Variants in SLCO6A1 observed in about 807,000 individuals in gnomAD.
SLCO6A1 encodes the protein solute carrier organic anion transporter family member 6A1.
In SLCO6A1, 65 loss-of-function variants were observed where a neutral mutation model predicts 72.7. The observed-to-expected ratio is 0.89, with a 90% CI of 0.73 to 1.10. The LOEUF is 1.10. SLCO6A1 is among the 50% of genes least tolerant of loss of function. The pLI is 0.00. For synonymous variants in SLCO6A1, 314 were observed against 298.2 expected (o/e 1.05, Z -0.55); for missense variants, 874 against 872.6 (o/e 1.00, Z -0.02).
chr5:102,428,256 G>A (rs917453425), intron 7 of SLCO6A1, among the ~76,000 whole-genome samples: 3 of 151,634 alleles, frequency 2.0e-5, no homozygotes, highest in Non-Finnish European at 2.9e-5. Context: ...AAATAAATAA[G>A]AAGCTCCACA....
At chr5:102,432,546 G>A (rs1749277658) in intron 7 of SLCO6A1, among the ~76,000 whole-genome samples, 1 of 152,124 alleles carries the variant, frequency 6.6e-6, no homozygotes, top group African/African-American at 2.4e-5. Flanking sequence ...CTTTTAGAAT[G>A]TTGAATATAG....
At chr5:102,413,800 A>G (rs1021593090) in intron 8 of SLCO6A1, among the ~76,000 whole-genome samples, 1 of 152,092 alleles carries the variant, frequency 6.6e-6, no homozygotes, top group African/African-American at 2.4e-5. Context: ...AAAATGTTAG[A>G]CATTTTAACG....
chr5:102,442,566 G>T (rs115015781), intron 6 of SLCO6A1, among the ~76,000 whole-genome samples: 1 of 152,144 alleles, frequency 6.6e-6, no homozygotes, highest in Non-Finnish European at 1.5e-5. Flanking sequence ...AAACTTTAGC[G>T]TGCCTTGAAT....
intron 1 of SLCO6A1, among the ~76,000 whole-genome samples, chr5:102,486,632 C>T (rs1752452588): frequency 6.6e-6 from 1 of 151,934 alleles, no homozygotes; most frequent in African/African-American, 2.4e-5. Context: ...TACATAAAAA[C>T]TTGAACATGA....
intron 4 of SLCO6A1, among the ~76,000 whole-genome samples, chr5:102,467,019 A>C (rs1751346632): frequency 1.3e-5 from 2 of 152,102 alleles, no homozygotes; most frequent in Non-Finnish European, 2.9e-5. Context: ...TCTTTAGTTT[A>C]ATCAGATCTC....
chr5:102,395,661 T>G (rs1322103218), intron 10 of SLCO6A1, among the ~76,000 whole-genome samples: 1 of 152,168 alleles, frequency 6.6e-6, no homozygotes, highest in Admixed American at 6.5e-5. Flanking sequence ...CCACCAACAG[T>G]GTAAAAGTGT....
intron 1 of SLCO6A1, among the ~76,000 whole-genome samples, chr5:102,496,815 C>T (rs1271382044): frequency 6.6e-6 from 1 of 152,132 alleles, no homozygotes; most frequent in Non-Finnish European, 1.5e-5. Context: ...ATTATCCAGC[C>T]AAACTTGTCA....
At chr5:102,398,209 C>T (rs914630818) in intron 10 of SLCO6A1, among the ~76,000 whole-genome samples, 1 of 151,902 alleles carries the variant, frequency 6.6e-6, no homozygotes, top group African/African-American at 2.4e-5. Flanking sequence ...TTCAGAGTCT[C>T]ACTCTGGCAC....
chr5:102,387,926 C>A (rs1336087744), intron 12 of SLCO6A1, among the ~76,000 whole-genome samples: 2 of 152,142 alleles, frequency 1.3e-5, no homozygotes, highest in Non-Finnish European at 2.9e-5. Flanking sequence ...ACTTTCCCAA[C>A]ACTTTGACCA....
intron 12 of SLCO6A1, among the ~76,000 whole-genome samples, chr5:102,375,926 CA>C (rs1410104260): frequency 2.0e-5 from 3 of 152,070 alleles, no homozygotes; most frequent in African/African-American, 7.2e-5. Flanking sequence ...CCCATGGATC[CA>C]AGGAGCTCAG....
intron 9 of SLCO6A1, among the ~76,000 whole-genome samples, chr5:102,411,232 T>C (rs1196156493): frequency 6.6e-6 from 1 of 151,788 alleles, no homozygotes; most frequent in Non-Finnish European, 1.5e-5. Context: ...TATATGTGTG[T>C]GTGTGTTTGT....
intron 8 of SLCO6A1, 27 bp from the exon 9 acceptor site, chr5:102,413,170 AT>A (rs770959297): frequency 6.6e-7 from 1 of 1,523,558 alleles, no homozygotes; most frequent in Non-Finnish European, 8.7e-7. Flanking sequence ...GAATGTAATC[AT>A]ATTACCATTG....
chr5:102,454,402 A>G (rs1021917186), intron 6 of SLCO6A1, among the ~76,000 whole-genome samples: 1 of 152,252 alleles, frequency 6.6e-6, no homozygotes, highest in African/African-American at 2.4e-5. Flanking sequence ...CCAGAGTTTC[A>G]AAATAGTTGT....
At chr5:102,400,403 A>G (rs1747332971) in intron 9 of SLCO6A1, among the ~76,000 whole-genome samples, 1 of 151,850 alleles carries the variant, frequency 6.6e-6, no homozygotes, top group Non-Finnish European at 1.5e-5. Context: ...CTTTATCATT[A>G]TTAATTTTTT....
At chr5:102,392,694 CA>C (rs1746832744) in intron 10 of SLCO6A1, among the ~76,000 whole-genome samples, 2 of 151,088 alleles carry the variant, frequency 1.3e-5, no homozygotes, top group Non-Finnish European at 3.0e-5. Flanking sequence ...TGTGCTTTAA[CA>C]AAAAAGCATT....
chr5:102,474,595 C>CT (rs994027488), intron 4 of SLCO6A1, among the ~76,000 whole-genome samples: 2 of 152,032 alleles, frequency 1.3e-5, no homozygotes, highest in African/African-American at 2.4e-5. Flanking sequence ...AACTTAAAAA[C>CT]TTTTTTGCAG....
chr5:102,413,832 T>G (rs1161147417), intron 8 of SLCO6A1, among the ~76,000 whole-genome samples: 3 of 152,196 alleles, frequency 2.0e-5, no homozygotes, highest in African/African-American at 4.8e-5. Flanking sequence ...TTTCATATTT[T>G]GGGTTTTAAT....
intron 9 of SLCO6A1, among the ~76,000 whole-genome samples, chr5:102,410,622 G>A (rs1747922560): frequency 6.6e-6 from 1 of 152,168 alleles, no homozygotes; most frequent in African/African-American, 2.4e-5. Context: ...CTCAACAAGT[G>A]GTAGAGTGGT....
At chr5:102,438,863 C>T in intron 6 of SLCO6A1, 102 bp from the exon 7 acceptor site, 1 of 756,204 alleles carries the variant, frequency 1.3e-6, no homozygotes, top group Admixed American at 3.9e-5. Flanking sequence ...ATTTACCATT[C>T]CCAATCTAAA....
Sources: gnomAD v4.1 joint callset for allele counts (sites outside exome capture counted in the v4.1 genomes callset) on GRCh38, gnomAD v4.1.1 for gene constraint, MANE v1.5 for transcripts, NCBI Gene and HGNC (gene_info 2026-07-23, HGNC 2026-07-21) for gene names.